Variants in CTNNA3 observed in about 807,000 individuals in gnomAD.
The protein encoded by CTNNA3 is catenin alpha-3.
In CTNNA3, 76 loss-of-function variants were observed where a neutral mutation model predicts 95.7. That is an observed-to-expected ratio of 0.79 (90% confidence interval 0.66 to 0.96). The LOEUF (loss-of-function observed/expected upper bound fraction) is 0.96. Among genes scored for constraint, CTNNA3 ranks in the 40% least tolerant of loss-of-function variants. The pLI is 0.00. For missense variants in CTNNA3, 1,191 were observed against 1,089.8 expected, an observed-to-expected ratio of 1.09 and a Z score of -1.31; for synonymous variants, 431 against 374.4, an observed-to-expected ratio of 1.15 and a Z score of -1.74.
chr10:66,364,130 C>A (rs2092695375), intron 12 of CTNNA3, among the ~76,000 whole-genome samples: 1 of 151,376 alleles, frequency 6.6e-6, no homozygotes, highest in Non-Finnish European at 1.5e-5. Flanking sequence ...ATGTACTTCT[C>A]TTTCTTTTGA....
At chr10:66,555,858 A>G (rs1842373184) in intron 10 of CTNNA3, among the ~76,000 whole-genome samples, 1 of 152,114 alleles carries the variant, frequency 6.6e-6, no homozygotes, top group South Asian at 2.1e-4. Flanking sequence ...CAAGAGCACA[A>G]ATAAACAAGT....
intron 1 of CTNNA3, among the ~76,000 whole-genome samples, chr10:67,728,405 TAATA>T (rs1466822320): frequency 6.9e-6 from 1 of 145,322 alleles, no homozygotes; most frequent in African/African-American, 2.5e-5. Context: ...TATATATACA[TAATA>T]TATACTATAT....
intron 10 of CTNNA3, among the ~76,000 whole-genome samples, chr10:66,583,023 T>C (rs1843242357): frequency 6.6e-6 from 1 of 151,962 alleles, no homozygotes; most frequent in Non-Finnish European, 1.5e-5. Flanking sequence ...TTTGATGCGC[T>C]GTTGGATTTG....
Position 66,505,036 on chromosome 10 carries a change from A to T in CTNNA3, c.1531+15581T>A, listed in dbSNP as rs192561459. 5.9e-5 allele frequency among the ~76,000 whole-genome samples: 9 copies of T among 152,244 alleles called. No individual in the cohort carries two copies. The East Asian group carries it at 1.7e-3, about 29-fold the overall frequency. ...GATTATTAATCATTACTCTAGCTAT[A>T]CCTTAAAGTTATAGCAAAAATTTTC... On this transcript the variant is annotated intron_variant, in intron 11 of 17. Coordinates refer to ENST00000433211, the MANE Select transcript of CTNNA3 (RefSeq NM_013266.4).
chr10:66,221,181 G>T (rs1370025551), intron 13 of CTNNA3, among the ~76,000 whole-genome samples: 1 of 152,162 alleles, frequency 6.6e-6, no homozygotes, highest in Non-Finnish European at 1.5e-5. Flanking sequence ...GCATAGAACT[G>T]ATGACATTAA....
rs116007222 is a variant in CTNNA3 at position 67,085,032 on chromosome 10, C to T, written c.1047+95285G>A. ...ATCCTAATGATACTGAAGATCTTAA[C>T]CTTGAGCTTCAAATTTGCTGTCCAA... is the stretch of plus-strand genomic sequence containing the variant. On this transcript the variant is annotated intron_variant, in intron 7 of 17. Coordinates refer to ENST00000433211, the MANE Select transcript of CTNNA3 (RefSeq NM_013266.4). Among the ~76,000 whole-genome samples, 544 of 151,954 alleles carry T rather than the reference C, an allele frequency of 3.6e-3. 3 individuals are homozygous for T. The highest frequency in any genetic ancestry group is 0.012 in the African/African-American group (500 of 41,516).
intron 12 of CTNNA3, among the ~76,000 whole-genome samples, chr10:66,287,783 A>G (rs1245061336): frequency 1.3e-5 from 2 of 152,144 alleles, no homozygotes; most frequent in East Asian, 1.9e-4. Flanking sequence ...CAGACATTCA[A>G]GTACACAGAA....
intron 7 of CTNNA3, among the ~76,000 whole-genome samples, chr10:67,103,267 G>C (rs755392489): frequency 2.4e-4 from 37 of 151,758 alleles, no homozygotes; most frequent in Non-Finnish European, 4.4e-4. Flanking sequence ...AGTTTTCTAA[G>C]CCTGACTGAA....
intron 1 of CTNNA3, among the ~76,000 whole-genome samples, chr10:67,683,712 T>C (rs1840671975): frequency 6.6e-6 from 1 of 152,176 alleles, no homozygotes; most frequent in African/African-American, 2.4e-5. Context: ...CAGACACTCG[T>C]GGTGAGTGTT....
At chr10:66,464,559 T>C (rs1204973030) in intron 11 of CTNNA3, among the ~76,000 whole-genome samples, 4 of 152,016 alleles carry the variant, frequency 2.6e-5, no homozygotes, top group Non-Finnish European at 5.9e-5. Context: ...GGTCAGGAGT[T>C]CGAGACCAGC....
At chr10:67,119,282 A>G (rs1003584550) in intron 7 of CTNNA3, among the ~76,000 whole-genome samples, 1 of 151,964 alleles carries the variant, frequency 6.6e-6, no homozygotes, top group Non-Finnish European at 1.5e-5. Context: ...GTAATATACC[A>G]TGATCACATA....
chr10:66,370,897 C>G (rs1288893084), intron 12 of CTNNA3, among the ~76,000 whole-genome samples: 2 of 151,844 alleles, frequency 1.3e-5, no homozygotes, highest in East Asian at 3.9e-4. Context: ...TTACTATTTT[C>G]TTCTTTTGTA....
At chr10:66,915,752 A>ATTT (rs3056549) in intron 7 of CTNNA3, among the ~76,000 whole-genome samples, 2 of 137,280 alleles carry the variant, frequency 1.5e-5, no homozygotes, top group African/African-American at 2.7e-5. Flanking sequence ...ACATATATAC[A>ATTT]TTTTTTTTTT....
At chr10:66,448,019 T>C (rs1309701056) in intron 11 of CTNNA3, among the ~76,000 whole-genome samples, 1 of 152,098 alleles carries the variant, frequency 6.6e-6, no homozygotes, top group Non-Finnish European at 1.5e-5. Context: ...GGGCGAAGGA[T>C]ATGAGCAGAT....
At position 67,445,345 on chromosome 10, in the gene CTNNA3, T is replaced by G. The variant is rs529810289; in HGVS notation, c.579+76497A>C. On this transcript the variant is annotated intron_variant, in intron 5 of 17. Coordinates refer to ENST00000433211, the MANE Select transcript of CTNNA3 (RefSeq NM_013266.4). ...TTCTTATAAATAATATTATTGAATA[T>G]AAATGAACTAAACTCTGCAATCAAA... Among the ~76,000 whole-genome samples the G allele has an allele frequency of 4.6e-5, 7 of 151,404 alleles. No homozygotes were observed. In the South Asian group the frequency reaches 1.5e-3, roughly 32 times the overall value.
chr10:67,131,047 T>C (rs1859974882), intron 7 of CTNNA3, among the ~76,000 whole-genome samples: 1 of 152,086 alleles, frequency 6.6e-6, no homozygotes, highest in Non-Finnish European at 1.5e-5. Context: ...TTTTACCTTA[T>C]CCTGCTTATA....
intron 11 of CTNNA3, among the ~76,000 whole-genome samples, chr10:66,467,239 G>A (rs1450790602): frequency 2.0e-5 from 3 of 151,966 alleles, no homozygotes; most frequent in African/African-American, 7.3e-5. Flanking sequence ...GCCCTTTGGT[G>A]TGCATTCATG....
intron 13 of CTNNA3, among the ~76,000 whole-genome samples, chr10:66,124,359 A>C (rs955198057): frequency 2.6e-4 from 39 of 152,200 alleles, no homozygotes; most frequent in African/African-American, 9.2e-4. Context: ...AGACCACCTC[A>C]GCCTGGATTT....
At chr10:67,386,940 A>G (rs554444321) in intron 5 of CTNNA3, among the ~76,000 whole-genome samples, 1 of 152,308 alleles carries the variant, frequency 6.6e-6, no homozygotes, top group East Asian at 1.9e-4. Context: ...AATTCTCACA[A>G]AAGTTAAGTA....
Sources: allele counts gnomAD v4.1 joint callset (sites outside exome capture counted in the v4.1 genomes callset), GRCh38; gene constraint gnomAD v4.1.1; transcripts MANE v1.5; gene names NCBI Gene and HGNC (gene_info 2026-07-23, HGNC 2026-07-21).